The following GRIK2 variants were observed in gnomAD, a reference collection of about 807,000 sequenced individuals.
GRIK2 encodes glutamate receptor ionotropic, kainate 2.
In GRIK2, 32 loss-of-function variants were observed where a neutral mutation model predicts 100.3. The ratio of observed to expected loss-of-function variants is 0.32; its 90% confidence interval spans 0.24 to 0.43. The LOEUF (loss-of-function observed/expected upper bound fraction) is 0.43. GRIK2 is among the 20% of genes least tolerant of loss of function. The pLI is 1.00. For missense variants in GRIK2, 843 were observed against 1,114.9 expected, an observed-to-expected ratio of 0.76 and a Z score of 3.47; for synonymous variants, 417 against 389.4, an observed-to-expected ratio of 1.07 and a Z score of -0.83.
Position 101,782,857 on chromosome 6 carries a change from CTTTTTTT to C in GRIK2, c.952-16778_952-16772del, listed in dbSNP as rs1158965622. Among the ~76,000 whole-genome samples, 122 of 130,796 alleles carry C rather than the reference CTTTTTTT, an allele frequency of 9.3e-4. 1 individual carries two copies. The highest frequency in any genetic ancestry group is 3.3e-3 in the African/African-American group (112 of 34,336). The allele number at this position is 130,796 out of a possible 152,430, so 85.8% of individuals were successfully genotyped here. Reference sequence around the variant, plus strand: ...TAGCTTTGTGTCCCCACTCAAATCTCTTTTTTTTTTTTTTTTTTTGAGATGGAGTCTC... The same window carrying C: ...TAGCTTTGTGTCCCCACTCAAATCTCTTTTTTTTTTTTGAGATGGAGTCTC... On this transcript the variant is annotated intron_variant, in intron 7 of 16. Coordinates refer to ENST00000369134, the MANE Select transcript of GRIK2 (RefSeq NM_021956.5).
intron 2 of GRIK2, among the ~76,000 whole-genome samples, chr6:101,585,174 A>G (rs1427525554): frequency 2.0e-5 from 3 of 152,080 alleles, no homozygotes; most frequent in Admixed American, 6.6e-5. Context: ...CAACATTAAT[A>G]AATTAGTAAG....
At chr6:102,051,941 G>T (rs1771221290) in intron 15 of GRIK2, among the ~76,000 whole-genome samples, 1 of 152,144 alleles carries the variant, frequency 6.6e-6, no homozygotes, top group South Asian at 2.1e-4. Flanking sequence ...AGCAACATCA[G>T]TTCTTTGTTT....
chr6:101,574,301 ATATT>A (rs1777693135), intron 2 of GRIK2, among the ~76,000 whole-genome samples: 2 of 147,714 alleles, frequency 1.4e-5, no homozygotes, highest in South Asian at 2.1e-4. Context: ...TACACTGTAT[ATATT>A]TATATATTTA....
At chr6:101,544,379 T>G (rs1776139039) in intron 2 of GRIK2, among the ~76,000 whole-genome samples, 1 of 152,182 alleles carries the variant, frequency 6.6e-6, no homozygotes, top group East Asian at 1.9e-4. Context: ...CAAAGCTGAA[T>G]GAAACTCCAT....
chr6:101,398,126 C>G (rs1775088909), intron 1 of GRIK2, among the ~76,000 whole-genome samples: 1 of 152,078 alleles, frequency 6.6e-6, no homozygotes, highest in Non-Finnish European at 1.5e-5. Flanking sequence ...ATCTGTAACA[C>G]TCAATGTCGC....
chr6:101,586,654 T>G (rs1243091640), intron 2 of GRIK2, among the ~76,000 whole-genome samples: 1 of 151,588 alleles, frequency 6.6e-6, no homozygotes, highest in Non-Finnish European at 1.5e-5. Flanking sequence ...GGATTGCCTG[T>G]GCTCAGAAGT....
intron 11 of GRIK2, among the ~76,000 whole-genome samples, chr6:101,870,620 C>A (rs1485852671): frequency 6.6e-6 from 1 of 151,634 alleles, no homozygotes; most frequent in Admixed American, 6.6e-5. Flanking sequence ...TCCACCTACC[C>A]TTTTTTTCTT....
At chr6:101,521,186 A>G (rs902127370) in intron 2 of GRIK2, among the ~76,000 whole-genome samples, 2 of 152,072 alleles carry the variant, frequency 1.3e-5, no homozygotes, top group Admixed American at 6.6e-5. Flanking sequence ...ATAAATGTCA[A>G]TCTTAATTTC....
intron 2 of GRIK2, among the ~76,000 whole-genome samples, chr6:101,488,999 G>T (rs1772968929): frequency 6.8e-6 from 1 of 146,466 alleles, no homozygotes; most frequent in African/African-American, 2.6e-5. Flanking sequence ...GGTTAAAATA[G>T]ATTTAGCTAA....
chr6:101,564,905 A>C (rs1339641299), intron 2 of GRIK2, among the ~76,000 whole-genome samples: 1 of 152,044 alleles, frequency 6.6e-6, no homozygotes, highest in East Asian at 1.9e-4. Context: ...CATTCCATTC[A>C]TTCTGTAGGG....
intron 2 of GRIK2, among the ~76,000 whole-genome samples, chr6:101,568,667 A>C (rs947305166): frequency 6.6e-6 from 1 of 152,096 alleles, no homozygotes; most frequent in African/African-American, 2.4e-5. Context: ...GTGCAATGCA[A>C]ATGTCAACCA....
intron 14 of GRIK2, among the ~76,000 whole-genome samples, chr6:102,024,464 T>C (rs1769588036): frequency 6.6e-6 from 1 of 151,278 alleles, no homozygotes. Flanking sequence ...TACTAGTTCA[T>C]CACTGAGGAG....
chr6:101,543,273 A>G (rs1045693962), intron 2 of GRIK2, among the ~76,000 whole-genome samples: 3 of 152,186 alleles, frequency 2.0e-5, no homozygotes, highest in African/African-American at 7.2e-5. Context: ...TGACAAACTT[A>G]GTAGATCCAT....
At chr6:101,732,159 T>G (rs1775315257) in intron 7 of GRIK2, among the ~76,000 whole-genome samples, 1 of 151,982 alleles carries the variant, frequency 6.6e-6, no homozygotes, top group Non-Finnish European at 1.5e-5. Flanking sequence ...TGGTTATTCC[T>G]TTTACATCAA....
chr6:101,906,386 T>TGTGTGTGTGTGTG lies in GRIK2; in HGVS notation c.1748+16523_1748+16524insGTGTGTGTGTGTG, dbSNP rs1377806600. On this transcript the variant is annotated intron_variant, in intron 12 of 16. Coordinates refer to ENST00000369134, the MANE Select transcript of GRIK2 (RefSeq NM_021956.5). Reference sequence around the variant, plus strand: ...AAGATCTGTGTGTGTGTGTGTGTGTTTGTGTGTGTTTAAACCTTGGGATAA... The same window carrying TGTGTGTGTGTGTG: ...AAGATCTGTGTGTGTGTGTGTGTGTTGTGTGTGTGTGTGTGTGTGTGTTTAAACCTTGGGATAA... Among the ~76,000 whole-genome samples the TGTGTGTGTGTGTG allele has an allele frequency of 3.5e-4, 8 of 22,714 alleles. No homozygotes were observed. The South Asian group carries it at 5.1e-3, about 14-fold the overall frequency. 14.9% of individuals were successfully genotyped at this position (22,714 alleles called of 152,430 possible).
intron 2 of GRIK2, among the ~76,000 whole-genome samples, chr6:101,506,880 A>T (rs1206726465): frequency 6.6e-6 from 1 of 152,148 alleles, no homozygotes; most frequent in Non-Finnish European, 1.5e-5. Flanking sequence ...AGTTTTATCT[A>T]AATCAAGCTA....
At chr6:101,659,365 T>C (rs1407794276) in intron 4 of GRIK2, among the ~76,000 whole-genome samples, 1 of 152,168 alleles carries the variant, frequency 6.6e-6, no homozygotes, top group Non-Finnish European at 1.5e-5. Context: ...GTTCCATTGG[T>C]CTGTATATCT....
chr6:101,923,814 C>T (rs1235600278), intron 12 of GRIK2, among the ~76,000 whole-genome samples: 5 of 149,940 alleles, frequency 3.3e-5, no homozygotes, highest in African/African-American at 7.4e-5. Flanking sequence ...ACAGCTACTC[C>T]GGAGGCTGAG....
chr6:101,837,299 A>C (rs970773920), intron 10 of GRIK2, among the ~76,000 whole-genome samples: 27 of 152,150 alleles, frequency 1.8e-4, no homozygotes, highest in East Asian at 9.7e-4. Context: ...TCGTGTGATG[A>C]GTAAGTTCTG....
Sources: allele counts gnomAD v4.1 joint callset (sites outside exome capture counted in the v4.1 genomes callset), GRCh38; gene constraint gnomAD v4.1.1; transcripts MANE v1.5; gene names NCBI Gene and HGNC (gene_info 2026-07-23, HGNC 2026-07-21).